The following BMP6 variants were observed in gnomAD, a reference collection of about 807,000 sequenced individuals.
BMP6 encodes the protein VG-1-R.
Under a neutral mutation model 54.1 loss-of-function variants are expected in BMP6, and 17 were observed. The observed-to-expected ratio is 0.31, with a 90% CI of 0.22 to 0.47. BMP6 has a LOEUF of 0.47. Among genes scored for constraint, BMP6 ranks in the 20% least tolerant of loss-of-function variants. The pLI is 1.00. For missense variants in BMP6, 720 were observed against 690.4 expected, an observed-to-expected ratio of 1.04 and a Z score of -0.48; for synonymous variants, 328 against 291.2, an observed-to-expected ratio of 1.13 and a Z score of -1.28.
intron 1 of BMP6, among the ~76,000 whole-genome samples, chr6:7,814,649 G>C (rs1014794080): frequency 6.6e-6 from 1 of 152,294 alleles, no homozygotes; most frequent in South Asian, 2.1e-4. Flanking sequence ...GACATGTAAT[G>C]ATGTGAGGGT....
At chr6:7,809,108 A>ACC (rs11365211) in intron 1 of BMP6, among the ~76,000 whole-genome samples, 43 of 109,636 alleles carry the variant, frequency 3.9e-4, no homozygotes, top group African/African-American at 1.2e-3. Context: ...AGTACCCCCC[A>ACC]CCCCCCCCCA....
intron 1 of BMP6, among the ~76,000 whole-genome samples, chr6:7,732,165 A>G (rs866016362): frequency 1.3e-5 from 2 of 152,324 alleles, no homozygotes; most frequent in South Asian, 4.1e-4. Flanking sequence ...AGCTACCTGT[A>G]CTTAAGAAGA....
chr6:7,822,489 C>G (rs538513367), intron 1 of BMP6, among the ~76,000 whole-genome samples: 1 of 152,282 alleles, frequency 6.6e-6, no homozygotes, highest in Admixed American at 6.5e-5. Context: ...TCCGGAACCA[C>G]CTTGTCTGGC....
intron 2 of BMP6, among the ~76,000 whole-genome samples, chr6:7,850,233 C>T (rs1414666272): frequency 6.6e-6 from 1 of 152,102 alleles, no homozygotes; most frequent in Non-Finnish European, 1.5e-5. Context: ...AGCTCCACCT[C>T]CTGGGTTCAA....
intron 1 of BMP6, among the ~76,000 whole-genome samples, chr6:7,810,161 G>A (rs1044792152): frequency 9.2e-5 from 14 of 152,052 alleles, no homozygotes; most frequent in African/African-American, 2.4e-4. Context: ...TCTTTGATTC[G>A]CTGGAGAATA....
rs573999373 is a variant in BMP6, at chr6:7,808,825, G to T, written c.665-36315G>T. Among the ~76,000 whole-genome samples the T allele has an allele frequency of 1.7e-4, 25 of 149,602 alleles. No individual in the cohort carries two copies. The East Asian group carries it at 5.0e-3, about 30-fold the overall frequency. On this transcript the variant is annotated intron_variant, in intron 1 of 6. Transcript: ENST00000283147. ...GCTACTCAGGAGGCTAAAGCAGAAG[G>T]ATTGCTTGAGCCCAGGAGGTGGAGG...
At chr6:7,843,690 A>G (rs1395836671) in intron 1 of BMP6, among the ~76,000 whole-genome samples, 1 of 152,166 alleles carries the variant, frequency 6.6e-6, no homozygotes, top group African/African-American at 2.4e-5. Flanking sequence ...GAAAAGAGTC[A>G]AGGGTTTATG....
chr6:7,796,763 G>A (rs1426893575), intron 1 of BMP6, among the ~76,000 whole-genome samples: 2 of 152,098 alleles, frequency 1.3e-5, no homozygotes, highest in African/African-American at 2.4e-5. Context: ...TATTTACTCT[G>A]TAAGCAAATT....
At chr6:7,821,333 C>A (rs557285247) in intron 1 of BMP6, among the ~76,000 whole-genome samples, 2 of 152,146 alleles carry the variant, frequency 1.3e-5, no homozygotes, top group African/African-American at 4.8e-5. Flanking sequence ...TGGGTTCTTG[C>A]ATTGTGCCCA....
chr6:7,805,820 G>T (rs1195811479), intron 1 of BMP6, among the ~76,000 whole-genome samples: 1 of 152,154 alleles, frequency 6.6e-6, no homozygotes, highest in East Asian at 1.9e-4. Flanking sequence ...GAAATCAAAA[G>T]ACCATTAAAA....
intron 1 of BMP6, among the ~76,000 whole-genome samples, chr6:7,770,758 G>A (rs1160258923): frequency 1.3e-5 from 2 of 152,226 alleles, no homozygotes; most frequent in African/African-American, 4.8e-5. Context: ...GGAAATCTGT[G>A]CAGTCAGCAG....
intron 1 of BMP6, among the ~76,000 whole-genome samples, chr6:7,815,335 C>A (rs1445905999): frequency 6.6e-6 from 1 of 152,270 alleles, no homozygotes; most frequent in Non-Finnish European, 1.5e-5. Context: ...AGAGCAAGAA[C>A]TTCTGAATAA....
intron 1 of BMP6, among the ~76,000 whole-genome samples, chr6:7,795,385 C>T (rs1398797824): frequency 6.6e-6 from 1 of 152,124 alleles, no homozygotes; most frequent in Non-Finnish European, 1.5e-5. Flanking sequence ...GAGAGTGTGA[C>T]TGGGGAGTGC....
At chr6:7,801,654 C>G (rs1206142227) in intron 1 of BMP6, among the ~76,000 whole-genome samples, 1 of 152,236 alleles carries the variant, frequency 6.6e-6, no homozygotes, top group Non-Finnish European at 1.5e-5. Flanking sequence ...TTTCCCACCA[C>G]TTTTCCCTCC....
chr6:7,837,751 A>G (rs567046273), intron 1 of BMP6, among the ~76,000 whole-genome samples: 6 of 152,306 alleles, frequency 3.9e-5, no homozygotes, highest in African/African-American at 1.2e-4. Flanking sequence ...AAACTTACCC[A>G]TATAACCAAA....
At chr6:7,861,727 A>AT in intron 3 of BMP6, 128 bp downstream of exon 3, 3 of 1,353,632 alleles carry the variant, frequency 2.2e-6, no homozygotes, top group Non-Finnish European at 3.1e-6. Flanking sequence ...TCATTTACTG[A>AT]TCCCCCATGA....
At chr6:7,773,188 C>A (rs1297279300) in intron 1 of BMP6, among the ~76,000 whole-genome samples, 1 of 152,224 alleles carries the variant, frequency 6.6e-6, no homozygotes, top group Non-Finnish European at 1.5e-5. Context: ...TGTACCTGCT[C>A]CCAAATGGTG....
At chr6:7,785,619 C>T (rs541705096) in intron 1 of BMP6, among the ~76,000 whole-genome samples, 1 of 152,294 alleles carries the variant, frequency 6.6e-6, no homozygotes, top group South Asian at 2.1e-4. Context: ...ATTTTAGACT[C>T]TTCCCATGTC....
At chr6:7,867,339 A>G (rs143555251) in intron 4 of BMP6, among the ~76,000 whole-genome samples, 251 of 152,300 alleles carry the variant, frequency 1.6e-3, no homozygotes, top group African/African-American at 5.9e-3. Context: ...GGACTATTCA[A>G]TAGGCTTTCA....
Sources: gnomAD v4.1 joint callset for allele counts (sites outside exome capture counted in the v4.1 genomes callset) on GRCh38, gnomAD v4.1.1 for gene constraint, MANE v1.5 for transcripts, NCBI Gene and HGNC (gene_info 2026-07-23, HGNC 2026-07-21) for gene names.